The following TMEM178B variants were observed in gnomAD, a reference collection of about 807,000 sequenced individuals.
The protein encoded by TMEM178B is transmembrane protein 178B.
In TMEM178B, 5 loss-of-function variants were observed where a neutral mutation model predicts 31.0. The observed-to-expected ratio is 0.16, with a 90% CI of 0.08 to 0.34. TMEM178B has a LOEUF of 0.34. Among genes scored for constraint, TMEM178B ranks in the 10% least tolerant of loss-of-function variants. The probability of loss-of-function intolerance (pLI) is 1.00; values close to 1 mark genes in which losing one functional copy is unlikely to be tolerated. For missense variants in TMEM178B, 275 were observed against 400.3 expected (o/e 0.69, Z 2.67); for synonymous variants, 164 against 164.0 (o/e 1.00, Z 0.00).
rs1282056881 is a variant in TMEM178B at position 141,171,894 on chromosome 7, C to T, written c.383-40697C>T. 6.6e-6 allele frequency among the ~76,000 whole-genome samples: 1 copy of T among 152,142 alleles called. No homozygotes were observed. Among genetic ancestry groups the T allele is most frequent in the Admixed American group, 6.5e-5 (1 of 15,274 alleles). On this transcript the variant is annotated intron_variant, in intron 1 of 3. Transcript: ENST00000565468. This position sits in a 1 kb window ranked among gnomAD's most constrained non-coding sequence, Gnocchi z 4.3. ...GGGCAATGGCAAGAGGCATGTGTGC[C>T]TTCAGGTCTTGTTGGAGCCTCTACA...
chr7:141,345,116 C>A (rs1799596187), intron 2 of TMEM178B, among the ~76,000 whole-genome samples: 1 of 152,138 alleles, frequency 6.6e-6, no homozygotes, highest in Non-Finnish European at 1.5e-5. Context: ...AGATATATTT[C>A]ATATATATTG....
intron 2 of TMEM178B, among the ~76,000 whole-genome samples, chr7:141,217,338 G>T (rs866340790): frequency 4.6e-5 from 7 of 152,350 alleles, no homozygotes; most frequent in African/African-American, 1.7e-4. Context: ...CTGATAGGGA[G>T]TGGGGGGTCT....
At chr7:141,346,042 A>G (rs1452838082) in intron 2 of TMEM178B, among the ~76,000 whole-genome samples, 1 of 152,136 alleles carries the variant, frequency 6.6e-6, no homozygotes, top group Non-Finnish European at 1.5e-5. Context: ...TAACACAGTG[A>G]AACCCTGTCT....
chr7:141,187,666 T>A (rs1199943048), intron 1 of TMEM178B, among the ~76,000 whole-genome samples: 1 of 152,232 alleles, frequency 6.6e-6, no homozygotes, highest in Non-Finnish European at 1.5e-5. Context: ...TCATTGTGGT[T>A]TTGATTTGCA....
chr7:141,249,184 G>T (rs962519023), intron 2 of TMEM178B, among the ~76,000 whole-genome samples: 4 of 152,184 alleles, frequency 2.6e-5, no homozygotes, highest in Non-Finnish European at 5.9e-5. Context: ...CCCAGTGGGA[G>T]ATCGTTGAAT....
intron 1 of TMEM178B, among the ~76,000 whole-genome samples, chr7:141,199,461 G>T (rs1796840244): frequency 1.3e-5 from 2 of 152,244 alleles, no homozygotes; most frequent in South Asian, 4.1e-4. Context: ...ATTTGGGGAA[G>T]ATCTCCATCC....
chr7:141,428,876 C>T (rs1259466370), intron 2 of TMEM178B, among the ~76,000 whole-genome samples: 1 of 152,220 alleles, frequency 6.6e-6, no homozygotes, highest in East Asian at 1.9e-4. Flanking sequence ...CTTAAACCTA[C>T]TTCTGCCCCT....
At chr7:141,203,281 T>C (rs559950495) in intron 1 of TMEM178B, among the ~76,000 whole-genome samples, 2 of 152,260 alleles carry the variant, frequency 1.3e-5, no homozygotes, top group South Asian at 4.1e-4. Flanking sequence ...ATCTTCCATA[T>C]ATTAAGTGCA....
intron 2 of TMEM178B, among the ~76,000 whole-genome samples, chr7:141,366,109 T>C (rs1272409081): frequency 6.6e-6 from 1 of 152,190 alleles, no homozygotes; most frequent in Non-Finnish European, 1.5e-5. Context: ...AGGGATGTGG[T>C]AAGGTCAGAG....
intron 2 of TMEM178B, among the ~76,000 whole-genome samples, chr7:141,232,082 T>C (rs1427925355): frequency 6.6e-6 from 1 of 152,210 alleles, no homozygotes; most frequent in Non-Finnish European, 1.5e-5. Flanking sequence ...GTTCTTGCAA[T>C]AGTTTGCTGA....
the TMEM178B span, among the ~76,000 whole-genome samples, chr7:141,489,820 A>G: frequency 1.3e-5 from 2 of 152,202 alleles, no homozygotes; most frequent in African/African-American, 4.8e-5. Context: ...CGTACAAAAT[A>G]GACTATAATG....
chr7:141,199,381 G>C (rs1796838875), intron 1 of TMEM178B, among the ~76,000 whole-genome samples: 1 of 152,166 alleles, frequency 6.6e-6, no homozygotes, highest in Non-Finnish European at 1.5e-5. Context: ...AGAGTCTCTT[G>C]ATAAAGGAAT....
At chr7:141,261,735 T>G (rs928317740) in intron 2 of TMEM178B, among the ~76,000 whole-genome samples, 3 of 152,040 alleles carry the variant, frequency 2.0e-5, no homozygotes, top group African/African-American at 7.2e-5. Flanking sequence ...GAAAGAAAAG[T>G]GGAGTCCAAA....
At chr7:141,092,002 A>G (rs1399471515) in intron 1 of TMEM178B, among the ~76,000 whole-genome samples, 3 of 152,232 alleles carry the variant, frequency 2.0e-5, no homozygotes, top group Admixed American at 6.5e-5. Flanking sequence ...TGCTGGGATT[A>G]TAAGTGTGAG....
chr7:141,125,356 G>A (rs1457073128), intron 1 of TMEM178B, among the ~76,000 whole-genome samples: 5 of 152,068 alleles, frequency 3.3e-5, no homozygotes, highest in Non-Finnish European at 5.9e-5. Context: ...TCCCCAAACT[G>A]AAACAACTCA....
chr7:141,442,439 C>T (rs1801678398), intron 3 of TMEM178B, among the ~76,000 whole-genome samples: 1 of 152,208 alleles, frequency 6.6e-6, no homozygotes, highest in African/African-American at 2.4e-5. Context: ...CTGTCAATGG[C>T]CCAATAGCTT....
chr7:141,246,687 G>A (rs749215934), intron 2 of TMEM178B, among the ~76,000 whole-genome samples: 36 of 152,192 alleles, frequency 2.4e-4, no homozygotes, highest in South Asian at 4.2e-4. Context: ...AAGCAAAGGC[G>A]TAGAGGTGGG....
intron 2 of TMEM178B, among the ~76,000 whole-genome samples, chr7:141,410,749 G>A (rs1800971143): frequency 6.6e-6 from 1 of 152,146 alleles, no homozygotes; most frequent in Non-Finnish European, 1.5e-5. Flanking sequence ...ACTTTGAAAG[G>A]TTGAGAGGAC....
intron 2 of TMEM178B, among the ~76,000 whole-genome samples, chr7:141,398,014 T>C: frequency 6.6e-6 from 1 of 152,062 alleles, no homozygotes; most frequent in Non-Finnish European, 1.5e-5. Flanking sequence ...GTCAAGTTCA[T>C]TTTCAGAGTC....
Sources: allele counts gnomAD v4.1 joint callset (sites outside exome capture counted in the v4.1 genomes callset), GRCh38; gene constraint gnomAD v4.1.1; non-coding constraint Gnocchi (gnomAD v3.1); transcripts MANE v1.5; gene names NCBI Gene and HGNC (gene_info 2026-07-23, HGNC 2026-07-21).